The following CNTLN variants were observed in gnomAD, a reference collection of about 807,000 sequenced individuals.
CNTLN encodes centlein, centrosomal protein.
CNTLN carries 212 observed loss-of-function variants against 180.0 expected under a neutral mutation model. The ratio of observed to expected loss-of-function variants is 1.18; its 90% confidence interval spans 1.05 to 1.32. The LOEUF is 1.32. Ranked by LOEUF, CNTLN falls within the 40% of genes most tolerant of loss-of-function variation. The pLI, the probability that CNTLN is intolerant of heterozygous loss-of-function variation, is 0.00. For synonymous variants in CNTLN, 722 were observed against 563.1 expected (o/e 1.28, Z -3.99); for missense variants, 2,095 against 1,610.9 (o/e 1.30, Z -5.14).
intron 12 of CNTLN, among the ~76,000 whole-genome samples, chr9:17,355,460 CTTG>C (rs1822758440): frequency 6.6e-6 from 1 of 152,080 alleles, no homozygotes; most frequent in Non-Finnish European, 1.5e-5. Context: ...ATTGTTTATT[CTTG>C]TTGTAGCTTA....
chr9:17,178,997 C>T lies in CNTLN; in HGVS notation c.449+35621C>T, dbSNP rs542924687. Among the ~76,000 whole-genome samples the T allele has an allele frequency of 8.9e-5, 13 of 146,414 alleles. No homozygotes were observed. The South Asian group carries it at 2.5e-3, about 28-fold the overall frequency. ...CGGTGGCTCACGCCTGTAATCCCAG[C>T]ACTTTGGGAGGCCGAGGCGGGCGGA... On this transcript the variant is annotated intron_variant, in intron 2 of 25. Coordinates refer to ENST00000380647, the MANE Select transcript of CNTLN (RefSeq NM_017738.4).
intron 12 of CNTLN, among the ~76,000 whole-genome samples, chr9:17,360,545 T>C (rs1823289355): frequency 6.6e-6 from 1 of 152,122 alleles, no homozygotes; most frequent in Non-Finnish European, 1.5e-5. Flanking sequence ...ATTTATATAT[T>C]GTGGTGGAAG....
chr9:17,336,136 T>C (rs1461055540), intron 10 of CNTLN, among the ~76,000 whole-genome samples: 1 of 152,186 alleles, frequency 6.6e-6, no homozygotes, highest in Admixed American at 6.5e-5. Context: ...ACTTGACTTG[T>C]TGTAAGATCT....
downstream of CNTLN, among the ~76,000 whole-genome samples, chr9:17,506,197 C>G (rs79253239): frequency 2.0e-5 from 3 of 152,094 alleles, no homozygotes; most frequent in East Asian, 5.8e-4. Flanking sequence ...AGAAAATCTT[C>G]AGGACCTCAG....
chr9:17,462,951 T>C lies in CNTLN; in HGVS notation c.3342T>C (p.Asn1114=). The change falls in exon 20 of 26, where the codon AAT becomes AAC. Residue 1114 remains asparagine (N), a synonymous_variant. Transcript: ENST00000380647. ...ATNELTKQSS[N]VKTLKFELLA... is the part of the protein sequence containing the mutation. ...ATGAACTCACTAAACAGTCATCAAA[T>C]GTGAAGACTTTGAAATTTGAACTCC... 6.3e-7 allele frequency: 1 copy of C among 1,582,888 alleles called. No individual in the cohort carries two copies. The highest frequency in any genetic ancestry group is 8.6e-7 in the Non-Finnish European group (1 of 1,168,066).
chr9:17,385,512 T>C (rs1228093871), intron 13 of CNTLN, among the ~76,000 whole-genome samples: 1 of 152,150 alleles, frequency 6.6e-6, no homozygotes, highest in Non-Finnish European at 1.5e-5. Context: ...GCTTTGCTTG[T>C]AATAACAAAA....
At chr9:17,243,811 A>G (rs1399306434) in intron 5 of CNTLN, among the ~76,000 whole-genome samples, 1 of 152,156 alleles carries the variant, frequency 6.6e-6, no homozygotes, top group African/African-American at 2.4e-5. Flanking sequence ...TGGTGTAAAT[A>G]TCTATTAGGT....
intron 2 of CNTLN, among the ~76,000 whole-genome samples, chr9:17,210,450 A>G (rs1437582000): frequency 6.6e-6 from 1 of 152,152 alleles, no homozygotes; most frequent in Non-Finnish European, 1.5e-5. Flanking sequence ...CATTTTCTTA[A>G]TCTAGTCTAT....
intron 2 of CNTLN, among the ~76,000 whole-genome samples, chr9:17,148,108 G>A (rs370260387): frequency 1.1e-4 from 17 of 152,146 alleles, no homozygotes; most frequent in East Asian, 3.9e-4. Flanking sequence ...TTGAACACTC[G>A]TGTACCCATC....
rs1588092976 is a variant in CNTLN, at chr9:17,484,393, A to C, written c.3954A>C (p.Ser1318=). ...MKKNRDACKT[S]THKAQTLAAS... is the part of the protein sequence containing the mutation. ...AAAACAGGGACGCCTGTAAAACCTC[A>C]ACCCATAAAGCCCAGACCTTGGCAG... The change falls in exon 24 of 26, where the codon TCA becomes TCC. Residue 1318 remains serine, a synonymous_variant. Transcript: ENST00000380647. 3 of 1,613,004 alleles carry C rather than the reference A, an allele frequency of 1.9e-6. No homozygotes were observed. Among genetic ancestry groups the C allele is most frequent in the Non-Finnish European group, 2.5e-6 (3 of 1,179,582 alleles).
At chr9:17,145,708 A>T (rs1374833574) in intron 2 of CNTLN, among the ~76,000 whole-genome samples, 1 of 152,106 alleles carries the variant, frequency 6.6e-6, no homozygotes, top group Non-Finnish European at 1.5e-5. Context: ...TTCTAAACCT[A>T]CTCACGTTTG....
At chr9:17,262,664 A>G (rs1031999118) in intron 5 of CNTLN, among the ~76,000 whole-genome samples, 7 of 151,402 alleles carry the variant, frequency 4.6e-5, no homozygotes, top group African/African-American at 1.7e-4. Flanking sequence ...TGATGAGTGC[A>G]GCAAACATCA....
intron 8 of CNTLN, among the ~76,000 whole-genome samples, chr9:17,311,087 C>T (rs1428981316): frequency 1.3e-5 from 2 of 151,776 alleles, no homozygotes; most frequent in Non-Finnish European, 1.5e-5. Context: ...TGCAATGGTG[C>T]GATCTCAGCT....
At chr9:17,398,502 C>T (rs1587884132) in intron 15 of CNTLN, among the ~76,000 whole-genome samples, 1 of 152,164 alleles carries the variant, frequency 6.6e-6, no homozygotes, top group East Asian at 1.9e-4. Context: ...TCATAAGTTG[C>T]ATATGCAATT....
intron 5 of CNTLN, among the ~76,000 whole-genome samples, chr9:17,240,586 C>A (rs890757744): frequency 2.0e-5 from 3 of 152,076 alleles, no homozygotes; most frequent in Non-Finnish European, 2.9e-5. Flanking sequence ...TCTTTTGTCC[C>A]TTTTAAAATC....
At chr9:17,477,091 C>A (rs968677575) in intron 23 of CNTLN, among the ~76,000 whole-genome samples, 9 of 152,272 alleles carry the variant, frequency 5.9e-5, no homozygotes, top group African/African-American at 2.2e-4. Flanking sequence ...TGTGCCTATG[C>A]TCCATAAATG....
chr9:17,212,500 A>G (rs908627966), intron 2 of CNTLN, among the ~76,000 whole-genome samples: 4 of 152,154 alleles, frequency 2.6e-5, no homozygotes, highest in African/African-American at 7.2e-5. Context: ...CATCAGGGAT[A>G]TTGGTCTAAA....
At chr9:17,219,512 C>G (rs904617453) in intron 2 of CNTLN, among the ~76,000 whole-genome samples, 5 of 151,866 alleles carry the variant, frequency 3.3e-5, no homozygotes, top group African/African-American at 1.2e-4. Flanking sequence ...CTTTCAATTT[C>G]AAAATTATAA....
At chr9:17,266,865 G>A (rs1479969873) in intron 5 of CNTLN, among the ~76,000 whole-genome samples, 2 of 151,992 alleles carry the variant, frequency 1.3e-5, no homozygotes, top group African/African-American at 4.8e-5. Flanking sequence ...TGCAACCCCT[G>A]CCTTTTTTTG....
Sources: allele counts gnomAD v4.1 joint callset (sites outside exome capture counted in the v4.1 genomes callset), GRCh38; gene constraint gnomAD v4.1.1; transcripts MANE v1.5; gene names NCBI Gene and HGNC (gene_info 2026-07-23, HGNC 2026-07-21).